PDE9A: variants seen among roughly 807,000 people sequenced by gnomAD.
The protein encoded by PDE9A is phosphodiesterase 9A, also known as high affinity cGMP-specific 3',5'-cyclic phosphodiesterase 9A.
Under a neutral mutation model 87.4 loss-of-function variants are expected in PDE9A, and 60 were observed. That is an observed-to-expected ratio of 0.69 (90% CI 0.56 to 0.85). The LOEUF (loss-of-function observed/expected upper bound fraction) is 0.85. Among genes scored for constraint, PDE9A ranks in the 40% least tolerant of loss-of-function variants. The pLI is 0.00. For missense variants in PDE9A, 665 were observed against 779.0 expected, an observed-to-expected ratio of 0.85 and a Z score of 1.74; for synonymous variants, 272 against 279.4, an observed-to-expected ratio of 0.97 and a Z score of 0.27.
intron 4 of PDE9A, among the ~76,000 whole-genome samples, chr21:42,703,053 C>T (rs2048503428): frequency 1.3e-5 from 2 of 152,128 alleles, no homozygotes. Context: ...GGGTGGGGGC[C>T]ATGGAGGTGA....
intron 4 of PDE9A, among the ~76,000 whole-genome samples, chr21:42,709,308 T>TG (rs1436781800): frequency 1.3e-5 from 2 of 151,340 alleles, no homozygotes; most frequent in African/African-American, 4.9e-5. Flanking sequence ...GTTGGGAGGG[T>TG]TGGGGGAGGG....
intron 8 of PDE9A, among the ~76,000 whole-genome samples, chr21:42,749,154 C>G (rs2054179864): frequency 6.6e-6 from 1 of 152,134 alleles, no homozygotes; most frequent in African/African-American, 2.4e-5. Context: ...ATAAATTCCC[C>G]AGGATAGATA....
chr21:42,699,178 C>T (rs912114080), intron 4 of PDE9A, 167 bp downstream of exon 4: 1 of 582,466 alleles, frequency 1.7e-6, no homozygotes, highest in Non-Finnish European at 3.1e-6. Flanking sequence ...TTTGAATCTG[C>T]ATTTGAAGCC....
At chr21:42,763,880 T>A (rs577998164) in intron 14 of PDE9A, among the ~76,000 whole-genome samples, 2 of 152,152 alleles carry the variant, frequency 1.3e-5, no homozygotes, top group Non-Finnish European at 2.9e-5. Flanking sequence ...CAAAGCCCAG[T>A]GTAAAAAACT....
intron 1 of PDE9A, among the ~76,000 whole-genome samples, chr21:42,678,081 C>T (rs572666544): frequency 4.6e-5 from 7 of 152,348 alleles, no homozygotes; most frequent in South Asian, 2.1e-4. Context: ...AAGAAATATT[C>T]GCGGCAGCTG....
chr21:42,684,808 G>A (rs2059357716), intron 1 of PDE9A, among the ~76,000 whole-genome samples: 1 of 152,088 alleles, frequency 6.6e-6, no homozygotes, highest in Non-Finnish European at 1.5e-5. Flanking sequence ...TTGACCGACC[G>A]TTACCCCTGG....
chr21:42,703,730 G>A (rs1283645731), intron 4 of PDE9A, among the ~76,000 whole-genome samples: 1 of 152,214 alleles, frequency 6.6e-6, no homozygotes, highest in African/African-American at 2.4e-5. Flanking sequence ...CTGGCCTTGG[G>A]CTGTGCGGGC....
intron 1 of PDE9A, among the ~76,000 whole-genome samples, chr21:42,670,660 TACACAC>T (rs909578136): frequency 6.9e-6 from 1 of 145,520 alleles, no homozygotes; most frequent in Non-Finnish European, 1.5e-5. Flanking sequence ...TTCACACACA[TACACAC>T]ATACACATGC....
chr21:42,753,928 C>A, intron 9 of PDE9A, 62 bp from the exon 10 acceptor site: 2 of 794,720 alleles, frequency 2.5e-6, no homozygotes, highest in South Asian at 1.5e-5. Context: ...AATATCTCAG[C>A]ATGCACATCA....
chr21:42,703,011 AT>A (rs1321311079), intron 4 of PDE9A, among the ~76,000 whole-genome samples: 1 of 152,150 alleles, frequency 6.6e-6, no homozygotes, highest in East Asian at 1.9e-4. Flanking sequence ...AGAGGAAGCT[AT>A]TTTTTTGGGA....
At chr21:42,682,896 G>A (rs377248580) in intron 1 of PDE9A, among the ~76,000 whole-genome samples, 12 of 152,208 alleles carry the variant, frequency 7.9e-5, no homozygotes, top group South Asian at 2.1e-4. Context: ...AGATCCTTCC[G>A]GAACCTTTGC....
intron 4 of PDE9A, among the ~76,000 whole-genome samples, chr21:42,718,683 T>C (rs2050189464): frequency 6.6e-6 from 1 of 151,794 alleles, no homozygotes; most frequent in Non-Finnish European, 1.5e-5. Flanking sequence ...TGACGCCGCT[T>C]TTGTTTCGGT....
At chr21:42,686,326 C>A in intron 2 of PDE9A, 64 bp downstream of exon 2, 2 of 1,363,688 alleles carry the variant, frequency 1.5e-6, no homozygotes, top group Non-Finnish European at 2.1e-6. Context: ...TTCGGGATGG[C>A]TGGGAGGGGC....
intron 1 of PDE9A, 68 bp downstream of exon 1, chr21:42,653,951 G>T: frequency 1.1e-6 from 1 of 932,788 alleles, no homozygotes; most frequent in Admixed American, 2.3e-5. Flanking sequence ...GGGCGCGGCG[G>T]GGCGGGACTG....
chr21:42,688,137 G>T (rs2059581196), intron 3 of PDE9A, 143 bp downstream of exon 3: 3 of 718,270 alleles, frequency 4.2e-6, no homozygotes, highest in Non-Finnish European at 4.9e-6. Context: ...AGGAGCCAGT[G>T]TGAAGGAAGC....
At chr21:42,684,007 G>A (rs1027360688) in intron 1 of PDE9A, among the ~76,000 whole-genome samples, 2 of 152,194 alleles carry the variant, frequency 1.3e-5, no homozygotes, top group African/African-American at 4.8e-5. Context: ...GGACCACCCC[G>A]CTCATCTGAG....
intron 7 of PDE9A, among the ~76,000 whole-genome samples, chr21:42,738,737 G>A (rs568376924): frequency 6.6e-6 from 1 of 152,198 alleles, no homozygotes; most frequent in African/African-American, 2.4e-5. Context: ...ATGCAGTGGA[G>A]TGCAGTGGTG....
chr21:42,773,000 C>T (rs1450500798), intron 19 of PDE9A, among the ~76,000 whole-genome samples: 1 of 151,484 alleles, frequency 6.6e-6, no homozygotes, highest in African/African-American at 2.4e-5. Flanking sequence ...GTGGCTCATG[C>T]CTGCAATCCC....
chr21:42,743,905 C>A (rs2146904104), intron 8 of PDE9A, 45 bp downstream of exon 8: 1 of 1,108,464 alleles, frequency 9.0e-7, no homozygotes, highest in South Asian at 1.3e-5. Flanking sequence ...CTGGGGAGGG[C>A]TCCCCGTACC....
Sources: allele counts gnomAD v4.1 joint callset (sites outside exome capture counted in the v4.1 genomes callset), GRCh38; gene constraint gnomAD v4.1.1; transcripts MANE v1.5; gene names NCBI Gene and HGNC (gene_info 2026-07-23, HGNC 2026-07-21).